TMEM132D: variants seen among roughly 807,000 people sequenced by gnomAD.
TMEM132D encodes transmembrane protein 132D.
In TMEM132D, 21 loss-of-function variants were observed where a neutral mutation model predicts 62.3. That is an observed-to-expected ratio of 0.34 (90% CI 0.24 to 0.49). The LOEUF (loss-of-function observed/expected upper bound fraction) is 0.49. TMEM132D is among the 20% of genes least tolerant of loss of function. The pLI, the probability that TMEM132D is intolerant of heterozygous loss-of-function variation, is 0.99. For missense variants in TMEM132D, 1,346 were observed against 1,402.8 expected, an observed-to-expected ratio of 0.96 and a Z score of 0.65; for synonymous variants, 621 against 575.6, an observed-to-expected ratio of 1.08 and a Z score of -1.13.
intron 1 of TMEM132D, among the ~76,000 whole-genome samples, chr12:129,837,738 C>A: frequency 6.6e-6 from 1 of 152,178 alleles, no homozygotes; most frequent in Non-Finnish European, 1.5e-5. Context: ...CAACCACACA[C>A]CCATGTCTCT....
intron 3 of TMEM132D, among the ~76,000 whole-genome samples, chr12:129,450,403 T>C (rs1873237085): frequency 6.6e-6 from 1 of 152,174 alleles, no homozygotes; most frequent in Non-Finnish European, 1.5e-5. Context: ...CAAACCCCCA[T>C]GTCGTAAGTT....
At chr12:129,106,416 T>A (rs1279806969) in intron 5 of TMEM132D, among the ~76,000 whole-genome samples, 2 of 151,280 alleles carry the variant, frequency 1.3e-5, no homozygotes, top group Non-Finnish European at 2.9e-5. Context: ...TAAAGTATAA[T>A]AATAATAAAA....
At chr12:129,411,455 A>C (rs370747452) in intron 3 of TMEM132D, among the ~76,000 whole-genome samples, 2 of 152,042 alleles carry the variant, frequency 1.3e-5, no homozygotes, top group East Asian at 3.9e-4. Flanking sequence ...TGCAACCTCC[A>C]CCTTCCAGGT....
At chr12:129,519,910 A>C (rs1438514962) in intron 3 of TMEM132D, among the ~76,000 whole-genome samples, 1 of 152,212 alleles carries the variant, frequency 6.6e-6, no homozygotes, top group African/African-American at 2.4e-5. Flanking sequence ...CACCTGGCCA[A>C]GAATGCTTGT....
At chr12:129,777,183 G>A (rs774528142) in intron 1 of TMEM132D, among the ~76,000 whole-genome samples, 7 of 152,180 alleles carry the variant, frequency 4.6e-5, no homozygotes, top group Non-Finnish European at 7.3e-5. Context: ...GAAGAGTGGT[G>A]ATTCAGCGGT....
intron 3 of TMEM132D, among the ~76,000 whole-genome samples, chr12:129,418,436 C>T (rs1366623889): frequency 6.6e-6 from 1 of 152,138 alleles, no homozygotes; most frequent in African/African-American, 2.4e-5. Context: ...TGGAAACCAT[C>T]ACCCTCAGCA....
At chr12:129,527,051 A>G (rs7134371) in intron 3 of TMEM132D, among the ~76,000 whole-genome samples, 96,824 of 152,116 alleles carry the variant, frequency 0.64, 31,434 homozygotes, top group African/African-American at 0.78. Context: ...GCTCATTCCC[A>G]TAATCCCAGC....
At chr12:129,621,217 T>C (rs1020637847) in intron 2 of TMEM132D, among the ~76,000 whole-genome samples, 6 of 152,114 alleles carry the variant, frequency 3.9e-5, no homozygotes, top group African/African-American at 1.2e-4. Flanking sequence ...ATCTTTGCCA[T>C]GGCTGTGCGC....
chr12:129,872,752 G>A (rs1328305503), intron 1 of TMEM132D, among the ~76,000 whole-genome samples: 1 of 152,166 alleles, frequency 6.6e-6, no homozygotes, highest in Non-Finnish European at 1.5e-5. Flanking sequence ...TGGGTTAAAT[G>A]GCGCACAGGA....
At chr12:129,208,039 C>T (rs750643918) in intron 5 of TMEM132D, among the ~76,000 whole-genome samples, 8 of 152,212 alleles carry the variant, frequency 5.3e-5, no homozygotes, top group African/African-American at 1.2e-4. Context: ...GTCCACTCAT[C>T]AGCCTGAGGG....
chr12:129,408,969 T>C (rs1439285752), intron 3 of TMEM132D, among the ~76,000 whole-genome samples: 4 of 152,112 alleles, frequency 2.6e-5, no homozygotes, highest in Non-Finnish European at 4.4e-5. Flanking sequence ...GTCTTGCTCT[T>C]TCGCCCAGGC....
At chr12:129,731,700 T>C (rs567455943) in intron 1 of TMEM132D, among the ~76,000 whole-genome samples, 3 of 152,070 alleles carry the variant, frequency 2.0e-5, no homozygotes, top group Non-Finnish European at 4.4e-5. Context: ...TCTCGCTCTG[T>C]CGCCCGGGCT....
At chr12:129,344,264 C>T (rs1413155864) in intron 3 of TMEM132D, among the ~76,000 whole-genome samples, 1 of 152,158 alleles carries the variant, frequency 6.6e-6, no homozygotes, top group Non-Finnish European at 1.5e-5. Flanking sequence ...CTGGTGACCA[C>T]AGATGGGACT....
intron 3 of TMEM132D, among the ~76,000 whole-genome samples, chr12:129,437,988 T>C (rs1872835401): frequency 6.7e-6 from 1 of 149,724 alleles, no homozygotes; most frequent in Non-Finnish European, 1.5e-5. Flanking sequence ...GAATATGCAG[T>C]GTTTGGTTTT....
At chr12:129,156,248 A>G (rs1877241417) in intron 5 of TMEM132D, among the ~76,000 whole-genome samples, 1 of 151,234 alleles carries the variant, frequency 6.6e-6, no homozygotes, top group African/African-American at 2.4e-5. Context: ...CAAAATAACC[A>G]AACCACTCCC....
intron 5 of TMEM132D, among the ~76,000 whole-genome samples, chr12:129,208,397 A>C (rs1185155777): frequency 6.6e-6 from 1 of 152,152 alleles, no homozygotes; most frequent in Non-Finnish European, 1.5e-5. Context: ...GTATGATGTC[A>C]TGTGTTCCGC....
intron 5 of TMEM132D, among the ~76,000 whole-genome samples, chr12:129,179,311 A>G (rs1459837382): frequency 1.3e-5 from 2 of 151,556 alleles, no homozygotes; most frequent in Admixed American, 1.3e-4. Context: ...GTCCCTCCAG[A>G]GGTAGCCTTT....
rs186970233 is a variant in TMEM132D at position 129,151,576 on chromosome 12, G to A, written c.1443+57944C>T. Among the ~76,000 whole-genome samples, 413 of 152,286 alleles carry A rather than the reference G, an allele frequency of 2.7e-3. 6 individuals carry two copies. Among genetic ancestry groups the A allele is most frequent in the Non-Finnish European group, 6.0e-4 (41 of 68,026 alleles). ...TGAAAGGCACCCATATGGTCACGGCGCGTGTAATATTATGGAATATTTCTC... is the reference window on the plus strand; with the variant it reads ...TGAAAGGCACCCATATGGTCACGGCACGTGTAATATTATGGAATATTTCTC... On this transcript the variant is annotated intron_variant, in intron 5 of 8. Coordinates refer to ENST00000422113, the MANE Select transcript of TMEM132D (RefSeq NM_133448.3).
chr12:129,814,277 A>G (rs1434833649), intron 1 of TMEM132D, among the ~76,000 whole-genome samples: 1 of 152,190 alleles, frequency 6.6e-6, no homozygotes, highest in East Asian at 1.9e-4. Context: ...TAAAAATAGT[A>G]AAGACAGTAA....
Sources: allele counts gnomAD v4.1 joint callset (sites outside exome capture counted in the v4.1 genomes callset), GRCh38; gene constraint gnomAD v4.1.1; transcripts MANE v1.5; gene names NCBI Gene and HGNC (gene_info 2026-07-23, HGNC 2026-07-21).